The following P2RY8 variants were observed in gnomAD, a reference collection of about 807,000 sequenced individuals.
P2RY8 encodes the protein S-geranylgeranyl-glutathione receptor P2RY8.
In P2RY8, 6 loss-of-function variants were observed where a neutral mutation model predicts 10.0. The observed-to-expected ratio is 0.60, with a 90% CI of 0.33 to 1.19. The LOEUF (loss-of-function observed/expected upper bound fraction) is 1.19. P2RY8 is among the 50% of genes most tolerant of loss of function. The pLI is 0.04. For missense variants in P2RY8, 456 were observed against 542.0 expected (o/e 0.84, Z 1.58); for synonymous variants, 276 against 252.5 (o/e 1.09, Z -0.88).
intron 1 of P2RY8, among the ~76,000 whole-genome samples, chrX:1,527,939 A>G (rs749116953): frequency 1.3e-5 from 2 of 152,262 alleles, no homozygotes; most frequent in East Asian, 1.9e-4. Context: ...CCCTACAGGG[A>G]CCCTGCTCAT....
At chrX:1,523,147 A>G (rs1676844212) in intron 1 of P2RY8, among the ~76,000 whole-genome samples, 2 of 151,996 alleles carry the variant, frequency 1.3e-5, no homozygotes, top group African/African-American at 4.8e-5. Flanking sequence ...AATAAAAAAA[A>G]GATATAGCAA....
intron 1 of P2RY8, among the ~76,000 whole-genome samples, chrX:1,485,529 C>T (rs760129386): frequency 6.6e-6 from 1 of 150,864 alleles, no homozygotes; most frequent in Non-Finnish European, 1.5e-5. Context: ...TTTTGTTTCT[C>T]TTTTATATTG....
rs758500303 is a variant in P2RY8 at position 1,465,462 on chromosome X, A to C, written c.*17T>G. 3 of 1,582,292 alleles carry C rather than the reference A, an allele frequency of 1.9e-6. No homozygotes were observed. In the African/African-American group the frequency reaches 4.1e-5, roughly 21 times the overall value. On this transcript the variant is annotated 3_prime_UTR_variant, in exon 2 of 2. Coordinates refer to ENST00000381297, the MANE Select transcript of P2RY8 (RefSeq NM_178129.5). ...TCCAAGCTGCGCCCCCGGCTCTCCAAGCTGCGCCCCCGGGACTCAGAACAC... is the reference window on the plus strand; with the variant it reads ...TCCAAGCTGCGCCCCCGGCTCTCCACGCTGCGCCCCCGGGACTCAGAACAC...
intron 1 of P2RY8, among the ~76,000 whole-genome samples, chrX:1,530,066 C>T (rs6588768): frequency 0.85 from 128,658 of 151,354 alleles, 55,253 homozygotes; most frequent in East Asian, 0.98. Context: ...AGAATCTCTC[C>T]TCTCTCTCTC....
intron 1 of P2RY8, among the ~76,000 whole-genome samples, chrX:1,484,986 CTTTT>C (rs773650240): frequency 0.099 from 8,082 of 81,502 alleles, 566 homozygotes; most frequent in African/African-American, 0.23. Context: ...GTAATAATGT[CTTTT>C]TTTTTTTTTT....
At chrX:1,500,331 G>T (rs1366850568) in intron 1 of P2RY8, among the ~76,000 whole-genome samples, 1 of 152,058 alleles carries the variant, frequency 6.6e-6, no homozygotes, top group African/African-American at 2.4e-5. Flanking sequence ...AGGCTGGAGT[G>T]CATTGGCACA....
At chrX:1,492,198 C>G (rs2092059433) in intron 1 of P2RY8, among the ~76,000 whole-genome samples, 2 of 152,030 alleles carry the variant, frequency 1.3e-5, no homozygotes, top group Non-Finnish European at 2.9e-5. Context: ...CTGTCAATCA[C>G]TGAAGATGGG....
rs764909780 is a variant in P2RY8 at position 1,512,415 on chromosome X, T to C, written c.-25+24506A>G. ...CACAAAAATTAGCCAGGCGTGGTGGTGGGTACCTGTCATCCCAGCTACTCG... is the reference window on the plus strand; with the variant it reads ...CACAAAAATTAGCCAGGCGTGGTGGCGGGTACCTGTCATCCCAGCTACTCG... On this transcript the variant is annotated intron_variant, in intron 1 of 1. Transcript: ENST00000381297. Among the ~76,000 whole-genome samples, 204 of 151,708 alleles carry C rather than the reference T, an allele frequency of 1.3e-3. 3 individuals carry two copies. Among genetic ancestry groups the C allele is most frequent in the Admixed American group, 6.3e-3 (96 of 15,208 alleles).
At chrX:1,498,623 T>A (rs2092144122) in intron 1 of P2RY8, among the ~76,000 whole-genome samples, 2 of 150,826 alleles carry the variant, frequency 1.3e-5, no homozygotes, top group South Asian at 4.2e-4. Context: ...GTTCAAGCGA[T>A]TCTCCTGCCT....
At chrX:1,529,760 CTCTG>C (rs370795294) in intron 1 of P2RY8, among the ~76,000 whole-genome samples, 4 of 152,076 alleles carry the variant, frequency 2.6e-5, no homozygotes, top group African/African-American at 9.7e-5. Flanking sequence ...TATTAATCTT[CTCTG>C]TCTGTCATCT....
intron 1 of P2RY8, among the ~76,000 whole-genome samples, chrX:1,493,132 C>G (rs371671898): frequency 5.3e-5 from 8 of 150,496 alleles, no homozygotes; most frequent in African/African-American, 1.7e-4. Flanking sequence ...CTAAAAAATA[C>G]AAAAAATTAG....
intron 1 of P2RY8, among the ~76,000 whole-genome samples, chrX:1,511,006 G>A (rs1323824641): frequency 3.3e-5 from 5 of 151,588 alleles, no homozygotes; most frequent in Non-Finnish European, 7.4e-5. Context: ...GTGAAACCCC[G>A]TCTCTACTAA....
chrX:1,520,489 C>T (rs1349561582), intron 1 of P2RY8, among the ~76,000 whole-genome samples: 1 of 150,926 alleles, frequency 6.6e-6, no homozygotes, highest in African/African-American at 2.4e-5. Context: ...AATAATCTCC[C>T]TGATCCCCAA....
At chrX:1,524,686 C>T in intron 1 of P2RY8, among the ~76,000 whole-genome samples, 1 of 125,138 alleles carries the variant, frequency 8.0e-6, no homozygotes, top group African/African-American at 2.9e-5. Flanking sequence ...TCCATCCATC[C>T]ATCCATCCAT....
At chrX:1,498,333 G>A (rs2092138348) in intron 1 of P2RY8, among the ~76,000 whole-genome samples, 1 of 146,200 alleles carries the variant, frequency 6.8e-6, no homozygotes, top group South Asian at 2.2e-4. Flanking sequence ...GTGAACCTGG[G>A]AGGCGGAGCT....
At chrX:1,509,576 C>G (rs1164576452) in intron 1 of P2RY8, among the ~76,000 whole-genome samples, 1 of 128,104 alleles carries the variant, frequency 7.8e-6, no homozygotes, top group Admixed American at 7.5e-5. Flanking sequence ...TCTATGTATC[C>G]ATCCATTCAT....
At chrX:1,471,309 ATTTTT>A (rs1159260456) in intron 1 of P2RY8, among the ~76,000 whole-genome samples, 35 of 100,054 alleles carry the variant, frequency 3.5e-4, no homozygotes, top group East Asian at 1.0e-3. Context: ...CGCCCAGCCC[ATTTTT>A]TTTTTTTTTT....
chrX:1,520,325 C>T (rs2092381772), intron 1 of P2RY8, among the ~76,000 whole-genome samples: 1 of 151,340 alleles, frequency 6.6e-6, no homozygotes, highest in Admixed American at 6.6e-5. Context: ...GTCTCTAGTC[C>T]TCAATCATCT....
At chrX:1,490,348 G>A (rs2092032407) in intron 1 of P2RY8, among the ~76,000 whole-genome samples, 1 of 148,618 alleles carries the variant, frequency 6.7e-6, no homozygotes, top group African/African-American at 2.5e-5. Flanking sequence ...CAAATGTAGA[G>A]AGAATGAATG....
Sources: gnomAD v4.1 joint callset for allele counts (sites outside exome capture counted in the v4.1 genomes callset) on GRCh38, gnomAD v4.1.1 for gene constraint, MANE v1.5 for transcripts, NCBI Gene and HGNC (gene_info 2026-07-23, HGNC 2026-07-21) for gene names.